DLC1: variants seen among roughly 807,000 people sequenced by gnomAD.
DLC1 encodes the protein DLC1 Rho GTPase activating protein, also known as rho GTPase-activating protein 7.
DLC1 carries 54 observed loss-of-function variants against 140.3 expected under a neutral mutation model. The ratio of observed to expected loss-of-function variants is 0.38; its 90% CI spans 0.31 to 0.48. The LOEUF is 0.48. Ranked by LOEUF, DLC1 falls within the 20% of genes least tolerant of loss-of-function variation. The probability of loss-of-function intolerance (pLI) is 0.96; values close to 1 mark genes in which losing one functional copy is unlikely to be tolerated. For missense variants in DLC1, 2,536 were observed against 1,907.0 expected (o/e 1.33, Z -6.14); for synonymous variants, 986 against 728.1 (o/e 1.35, Z -5.70).
At chr8:13,164,532 T>C (rs2116891962) in intron 5 of DLC1, among the ~76,000 whole-genome samples, 1 of 152,244 alleles carries the variant, frequency 6.6e-6, no homozygotes, top group East Asian at 1.9e-4. Flanking sequence ...GATGTTCCCT[T>C]TGAAGGTCCT....
At chr8:13,466,078 C>A (rs1029612355) in intron 2 of DLC1, among the ~76,000 whole-genome samples, 1 of 152,182 alleles carries the variant, frequency 6.6e-6, no homozygotes, top group East Asian at 1.9e-4. Context: ...ATAGACGGGG[C>A]AGATATACTG....
intron 2 of DLC1, among the ~76,000 whole-genome samples, chr8:13,474,579 C>G (rs1168317776): frequency 6.6e-6 from 1 of 152,162 alleles, no homozygotes; most frequent in Non-Finnish European, 1.5e-5. Context: ...GCACTCAACA[C>G]CAGCCCGTGA....
intron 1 of DLC1, among the ~76,000 whole-genome samples, chr8:13,587,376 A>G (rs145300079): frequency 4.5e-4 from 69 of 152,138 alleles, no homozygotes; most frequent in African/African-American, 1.5e-3. Flanking sequence ...GTTTTAGGAT[A>G]TCACAGACAC....
chr8:13,090,316 T>C lies in DLC1; in HGVS notation c.4010A>G (p.Lys1337Arg), dbSNP rs776967869. 1.1e-5 allele frequency: 18 copies of C among 1,614,064 alleles called. No homozygotes were observed. The highest frequency in any genetic ancestry group is 1.5e-5 in the Non-Finnish European group (18 of 1,180,034). Reference protein sequence around the residue: ...DCVDGLFKEVKEKFKGWVSYS... With the variant: ...DCVDGLFKEVREKFKGWVSYS... ...GCTGACCCAGCCTTTAAACTTCTCT[T>C]TGACTTCTTTAAACAGGCCATCCAC... The change falls in exon 15 of 18, where the codon AAA (lysine) becomes AGA (arginine). Residue 1337 changes from lysine (K) to arginine (R), a missense_variant. Coordinates refer to ENST00000276297, the MANE Select transcript of DLC1 (RefSeq NM_182643.3).
At chr8:13,128,924 A>AAATTATGATGGCAAGGCAGAACT (rs1554580365) in intron 5 of DLC1, among the ~76,000 whole-genome samples, 1 of 2,624 alleles carries the variant, frequency 3.8e-4, no homozygotes, top group African/African-American at 1.5e-3. Context: ...AAGGCAGAAC[A>AAATTATGATGGCAAGGCAGAACT]TTAATTATGA....
At chr8:13,301,562 G>C (rs974349039) in intron 5 of DLC1, among the ~76,000 whole-genome samples, 2 of 152,226 alleles carry the variant, frequency 1.3e-5, no homozygotes, top group African/African-American at 4.8e-5. Context: ...AAATGAGGGA[G>C]ATGAGGAAGT....
At chr8:13,133,410 G>T in intron 5 of DLC1, 1 of 673,710 alleles carries the variant, frequency 1.5e-6, no homozygotes. Flanking sequence ...GCGACGGGCT[G>T]TTCTCCGGCC....
chr8:13,510,621 G>A (rs139604429), intron 1 of DLC1, among the ~76,000 whole-genome samples: 145 of 152,248 alleles, frequency 9.5e-4, no homozygotes, highest in Middle Eastern at 3.4e-3. Flanking sequence ...ATCACAGAGC[G>A]TCAAGTGGTT....
intron 4 of DLC1, among the ~76,000 whole-genome samples, chr8:13,333,977 C>A (rs982514137): frequency 6.6e-6 from 1 of 152,090 alleles, no homozygotes. Flanking sequence ...ATGAGGCTGA[C>A]CTTCCAGTGG....
Position 13,401,472 on chromosome 8 carries a change from G to T in DLC1, c.1171C>A (p.Pro391Thr). ...GTPTNLRRHV[P>T]DLESGSESGA... The stretch of plus-strand genomic sequence containing the variant: ...GAAGTAGAAAGTGGAAAGCTCACAG[G>T]AACGTGCCGCCGCAGGTTTGTTGGT... Residue 391 changes from proline to threonine, a missense_variant and splice_region_variant, in exon 3 of 18, where the codon CCT becomes ACT. Coordinates refer to ENST00000276297, the MANE Select transcript of DLC1 (RefSeq NM_182643.3). 6.2e-7 allele frequency: 1 copy of T among 1,612,180 alleles called. No individual in the cohort carries two copies. The highest frequency in any genetic ancestry group is 8.5e-7 in the Non-Finnish European group (1 of 1,179,934).
intron 5 of DLC1, among the ~76,000 whole-genome samples, chr8:13,121,214 T>C (rs981043877): frequency 1.3e-5 from 2 of 152,178 alleles, no homozygotes; most frequent in Non-Finnish European, 2.9e-5. Flanking sequence ...GTTGATGCTT[T>C]TATTGCTAGA....
chr8:13,364,274 A>C (rs1380056001), intron 4 of DLC1, among the ~76,000 whole-genome samples: 1 of 150,280 alleles, frequency 6.7e-6, no homozygotes. Flanking sequence ...GCTATTTTTA[A>C]GTTTCCAGTT....
chr8:13,112,573 G>C (rs1256735480), intron 6 of DLC1, among the ~76,000 whole-genome samples: 1 of 152,114 alleles, frequency 6.6e-6, no homozygotes, highest in African/African-American at 2.4e-5. Context: ...GTCTCTCTTA[G>C]ACAAATGATT....
At chr8:13,159,553 G>A (rs1482159182) in intron 5 of DLC1, among the ~76,000 whole-genome samples, 1 of 152,152 alleles carries the variant, frequency 6.6e-6, no homozygotes, top group Admixed American at 6.5e-5. Context: ...TTACTATTGT[G>A]AAACCTCTAG....
intron 5 of DLC1, among the ~76,000 whole-genome samples, chr8:13,267,076 A>G (rs1166083852): frequency 1.3e-5 from 2 of 152,220 alleles, no homozygotes; most frequent in African/African-American, 2.4e-5. Flanking sequence ...ACTAAATGAA[A>G]TTCTAGCTTC....
intron 2 of DLC1, among the ~76,000 whole-genome samples, chr8:13,440,193 G>T (rs1798443050): frequency 6.6e-6 from 1 of 152,162 alleles, no homozygotes; most frequent in African/African-American, 2.4e-5. Flanking sequence ...ATAGAAGCCT[G>T]TTTTATTTGC....
At chr8:13,450,002 T>C (rs1447585189) in intron 2 of DLC1, among the ~76,000 whole-genome samples, 1 of 152,114 alleles carries the variant, frequency 6.6e-6, no homozygotes, top group Non-Finnish European at 1.5e-5. Context: ...CTCTGTATTA[T>C]TGTGGCAGTC....
At chr8:13,300,329 T>C (rs945273385) in intron 5 of DLC1, among the ~76,000 whole-genome samples, 1 of 152,172 alleles carries the variant, frequency 6.6e-6, no homozygotes, top group African/African-American at 2.4e-5. Context: ...TAATGGATGC[T>C]AGGCTTAATA....
chr8:13,282,627 A>T (rs900635926), intron 5 of DLC1, among the ~76,000 whole-genome samples: 19 of 152,124 alleles, frequency 1.2e-4, no homozygotes, highest in African/African-American at 4.3e-4. Flanking sequence ...TTTTATTCCT[A>T]TTATATTTTA....
Sources: allele counts gnomAD v4.1 joint callset (sites outside exome capture counted in the v4.1 genomes callset), GRCh38; gene constraint gnomAD v4.1.1; transcripts MANE v1.5; gene names NCBI Gene and HGNC (gene_info 2026-07-23, HGNC 2026-07-21).